COL17A1: variants seen among roughly 807,000 people sequenced by gnomAD.
COL17A1 encodes collagen alpha-1(XVII) chain.
Under a neutral mutation model 218.4 loss-of-function variants are expected in COL17A1, and 181 were observed. The ratio of observed to expected loss-of-function variants is 0.83; its 90% CI spans 0.73 to 0.94. The LOEUF (loss-of-function observed/expected upper bound fraction) is 0.94. COL17A1 is among the 40% of genes least tolerant of loss of function. The probability of loss-of-function intolerance (pLI) is 0.00; values close to 1 mark genes in which losing one functional copy is unlikely to be tolerated. For missense variants in COL17A1, 1,924 were observed against 1,945.9 expected (o/e 0.99, Z 0.21); for synonymous variants, 721 against 731.0 (o/e 0.99, Z 0.22).
In COL17A1 at chr10:104,045,637, A is replaced by G. The variant is rs2086401185; in HGVS notation, c.2398+121T>C. 19 of 885,332 alleles carry G rather than the reference A, an allele frequency of 2.1e-5. 1 individual carries two copies. Among genetic ancestry groups the G allele is most frequent in the Non-Finnish European group, 3.6e-5 (19 of 525,798 alleles). 54.8% of individuals were successfully genotyped at this position (885,332 alleles called of 1,614,324 possible). On this transcript the variant is annotated intron_variant, in intron 33 of 55. Coordinates refer to ENST00000648076, the MANE Select transcript of COL17A1 (RefSeq NM_000494.4). The stretch of plus-strand genomic sequence containing the variant: ...TCCCAGCCTCATAGCCCTCTGCTAG[A>G]ACCACTAGATGCCACTGTTGATCCA...
intron 31 of COL17A1, 59 bp from the exon 32 acceptor site, chr10:104,046,832 C>T: frequency 1.3e-6 from 2 of 1,521,390 alleles, no homozygotes; most frequent in Non-Finnish European, 1.8e-6. Flanking sequence ...CCCTGGTAGC[C>T]ACACCCACAC....
intron 22 of COL17A1, 81 bp downstream of exon 22, chr10:104,053,839 A>G (rs2086493537): frequency 1.2e-6 from 1 of 839,702 alleles, no homozygotes; most frequent in Non-Finnish European, 2.0e-6. Context: ...AAGGCCTCAC[A>G]TACAGCAGGC....
intron 50 of COL17A1, 40 bp downstream of exon 50, chr10:104,035,223 G>C (rs1454204412): frequency 1.3e-6 from 2 of 1,552,036 alleles, no homozygotes; most frequent in African/African-American, 2.7e-5. Context: ...AGGCCCGGCT[G>C]CATCCCCTGC....
At chr10:104,073,322 T>C in intron 6 of COL17A1, 77 bp from the exon 7 acceptor site, 1 of 1,325,004 alleles carries the variant, frequency 7.5e-7, no homozygotes, top group Non-Finnish European at 1.1e-6. Flanking sequence ...GAGGCAGATA[T>C]ATTTGGGGAG....
chr10:104,041,514 G>T lies in COL17A1; in HGVS notation c.2576C>A (p.Pro859Gln), dbSNP rs755001651. Reference sequence around the variant, plus strand: ...TGGCCCGCGTGGGCCGGGTGGGCCTGGGGGACCTTGTAAATTAAGAACTTC... The same window carrying T: ...TGGCCCGCGTGGGCCGGGTGGGCCTTGGGGACCTTGTAAATTAAGAACTTC... ...HQEVLNLQGP[P>Q]GPPGPRGPPG... The change falls in exon 37 of 56, where the codon CCA becomes CAA. Residue 859 changes from proline to glutamine, a missense_variant. Physicochemically the swap from Pro to Gln is moderately conservative, Grantham distance 76. Transcript: ENST00000648076. 1 of 1,612,972 alleles carries T rather than the reference G, an allele frequency of 6.2e-7. No homozygotes were observed. Among genetic ancestry groups the T allele is most frequent in the African/African-American group, 1.3e-5 (1 of 74,902 alleles).
At chr10:104,038,270 ACACACACACACT>A in intron 45 of COL17A1, 124 bp downstream of exon 45, 3 of 487,938 alleles carry the variant, frequency 6.1e-6, no homozygotes, top group Admixed American at 3.1e-5. Flanking sequence ...ACACACACAC[ACACACACACACT>A]CCCACTGCCC....
In COL17A1 at chr10:104,060,137, G is replaced by A; in HGVS notation, c.1123C>T (p.Pro375Ser). 1 of 1,614,148 alleles carries A rather than the reference G, an allele frequency of 6.2e-7. No homozygotes were observed. The highest frequency in any genetic ancestry group is 1.7e-4 in the Middle Eastern group (1 of 6,044). Residue 375 changes from proline to serine, a missense_variant, in exon 14 of 56, where the codon CCT (proline) becomes TCT (serine). Transcript: ENST00000648076. ...KDSGKVFTAS[P>S]ASIAATSFSE... ...GACGCACTTGCAGCGATGCTGGCAG[G>A]GGAGGCTGTAAAGACCTTCCCGCTG...
intron 20 of COL17A1, 81 bp downstream of exon 20, chr10:104,054,900 G>GGGTT (rs2086505170): frequency 6.2e-7 from 1 of 1,603,842 alleles, no homozygotes; most frequent in Non-Finnish European, 8.5e-7. Context: ...AGTGCAAGGT[G>GGGTT]GGTTTTCTGA....
intron 29 of COL17A1, among the ~76,000 whole-genome samples, chr10:104,048,829 CT>C (rs61545808): frequency 2.2e-3 from 320 of 142,664 alleles, no homozygotes; most frequent in Middle Eastern, 3.6e-3. Context: ...TCAACATGGT[CT>C]TTTTTTTTTT....
intron 11 of COL17A1, among the ~76,000 whole-genome samples, chr10:104,063,247 T>C (rs2086598368): frequency 6.6e-6 from 1 of 152,218 alleles, no homozygotes. Context: ...TGTGGAAACA[T>C]AGCAAATAAA....
intron 4 of COL17A1, 80 bp from the exon 5 acceptor site, chr10:104,076,509 A>G: frequency 6.3e-7 from 1 of 1,597,142 alleles, no homozygotes; most frequent in South Asian, 1.1e-5. Flanking sequence ...CAGCTATATT[A>G]ACCAAGTACA....
intron 41 of COL17A1, 104 bp downstream of exon 41, chr10:104,039,869 A>G: frequency 2.0e-6 from 3 of 1,505,746 alleles, no homozygotes; most frequent in Non-Finnish European, 2.8e-6. Flanking sequence ...ACTCTTGCTT[A>G]TTTGCACCAG....
intron 20 of COL17A1, among the ~76,000 whole-genome samples, chr10:104,054,412 C>G (rs747102328): frequency 2.0e-4 from 31 of 152,150 alleles, no homozygotes; most frequent in Admixed American, 6.5e-5. Context: ...CAGTATCAGT[C>G]CCCACCACTA....
At chr10:104,045,000 C>G (rs1478614553) in intron 33 of COL17A1, among the ~76,000 whole-genome samples, 1 of 152,138 alleles carries the variant, frequency 6.6e-6, no homozygotes, top group Non-Finnish European at 1.5e-5. Flanking sequence ...AGGGTCCCAC[C>G]AAGAGTGACA....
rs749093771 is a variant in COL17A1 at position 104,034,280 on chromosome 10, C to T, written c.3821G>A (p.Gly1274Glu). 3.0e-5 allele frequency: 48 copies of T among 1,591,968 alleles called. No individual in the cohort carries two copies. The highest frequency in any genetic ancestry group is 4.0e-5 in the Non-Finnish European group (47 of 1,171,600). The part of the protein sequence containing the change: ...VGPPGPPGPQ[G>E]PPGDSRLLST... The stretch of plus-strand genomic sequence containing the variant: ...CAGGAGGCGGCTGTCCCCAGGGGGT[C>T]CCTGCGGCCCAGGAGGGCCTGGGGG... The change falls in exon 52 of 56, where the codon GGA (glycine) becomes GAA (glutamate). Residue 1274 changes from glycine (G) to glutamate (E), a missense_variant. Gly to Glu is a moderately conservative substitution (Grantham distance 98). Transcript: ENST00000648076.
chr10:104,034,330 A>G lies in COL17A1; in HGVS notation c.3771T>C (p.Pro1257=), dbSNP rs1472268189. ...GGCCAACAATGAAGCTGCGCACATC[A>G]GGACCTGCAGGGTGAGAAGCTGCAT... ...RSELISYLTS[P]DVRSFIVGPP... The change falls in exon 52 of 56, where the codon CCT becomes CCC. Residue 1257 remains proline (P), a synonymous_variant. Transcript: ENST00000648076. 3.2e-6 allele frequency: 5 copies of G among 1,552,434 alleles called. No homozygotes were observed. The Admixed American group carries it at 5.7e-5, about 18-fold the overall frequency.
intron 10 of COL17A1, 65 bp from the exon 11 acceptor site, chr10:104,063,883 A>T: frequency 3.1e-6 from 5 of 1,606,470 alleles, no homozygotes; most frequent in Non-Finnish European, 4.3e-6. Context: ...AGAGATTTGG[A>T]TACCACAGAA....
In COL17A1 at chr10:104,037,559, G is replaced by A. The variant is rs149699594; in HGVS notation, c.3208+77C>T. 4.4e-4 allele frequency: 689 copies of A among 1,559,108 alleles called. 4 individuals carry two copies. In the African/African-American group the frequency reaches 7.7e-3, roughly 18 times the overall value. Reference sequence around the variant, plus strand: ...GAGAAGGGCAAAGCAAACAGCAAACGAGGAGATGAGGCTCTGGGAGCAAAA... The same window carrying A: ...GAGAAGGGCAAAGCAAACAGCAAACAAGGAGATGAGGCTCTGGGAGCAAAA... On this transcript the variant is annotated intron_variant, in intron 46 of 55. Transcript: ENST00000648076.
Position 104,056,091 on chromosome 10 carries a change from G to C in COL17A1, c.1466-88C>G, listed in dbSNP as rs1244272254. The C allele has an allele frequency of 3.0e-5, 45 of 1,499,904 alleles. No homozygotes were observed. In the Middle Eastern group the frequency reaches 5.3e-4, roughly 18 times the overall value. The allele number at this position is 1,499,904 out of a possible 1,614,324, so 92.9% of individuals were successfully genotyped here. The stretch of plus-strand genomic sequence containing the variant: ...CTCCTAGTGGAGAGCCTGACACAAG[G>C]GATTGGGGCCTGTGGTGGCTTCTTC... On this transcript the variant is annotated intron_variant, in intron 17 of 55. Transcript: ENST00000648076.
Sources: gnomAD v4.1 joint callset for allele counts (sites outside exome capture counted in the v4.1 genomes callset) on GRCh38, gnomAD v4.1.1 for gene constraint, MANE v1.5 for transcripts, NCBI Gene and HGNC (gene_info 2026-07-23, HGNC 2026-07-21) for gene names.